The following RYR3 variants were observed in gnomAD, a reference collection of about 807,000 sequenced individuals.
RYR3 encodes the protein ryanodine receptor 3.
A neutral mutation model predicts 584.3 loss-of-function variants in RYR3; 207 were observed. The ratio of observed to expected loss-of-function variants is 0.35; its 90% CI spans 0.32 to 0.40. The LOEUF (loss-of-function observed/expected upper bound fraction) is 0.40. Ranked by LOEUF, RYR3 falls within the 10% of genes least tolerant of loss-of-function variation. The pLI, the probability that RYR3 is intolerant of heterozygous loss-of-function variation, is 1.00. For synonymous variants in RYR3, 2,416 were observed against 2,248.5 expected, an observed-to-expected ratio of 1.07 and a Z score of -2.11; for missense variants, 5,616 against 6,089.2, an observed-to-expected ratio of 0.92 and a Z score of 2.59.
intron 2 of RYR3, among the ~76,000 whole-genome samples, chr15:33,491,787 G>A (rs779017086): frequency 6.6e-6 from 1 of 152,138 alleles, no homozygotes; most frequent in Non-Finnish European, 1.5e-5. Context: ...TTCCTGGCCA[G>A]TCCCCCCAGA....
intron 12 of RYR3, among the ~76,000 whole-genome samples, chr15:33,577,087 A>G (rs577993867): frequency 3.3e-5 from 5 of 152,320 alleles, no homozygotes; most frequent in African/African-American, 1.2e-4. Context: ...TTCAAGGAGA[A>G]CTTAAAAAAC....
chr15:33,592,251 C>T (rs1014463023), intron 16 of RYR3, among the ~76,000 whole-genome samples: 3 of 152,180 alleles, frequency 2.0e-5, no homozygotes, highest in African/African-American at 7.2e-5. Context: ...TTGGCTTCAC[C>T]ATCCCCTAAG....
intron 10 of RYR3, among the ~76,000 whole-genome samples, chr15:33,559,178 C>G (rs1208933057): frequency 6.6e-6 from 1 of 152,110 alleles, no homozygotes; most frequent in Non-Finnish European, 1.5e-5. Context: ...GAGTCCTTGA[C>G]CATTTTAGGA....
chr15:33,823,178 A>G, intron 81 of RYR3, 106 bp downstream of exon 81: 1 of 854,032 alleles, frequency 1.2e-6, no homozygotes, highest in Non-Finnish European at 1.8e-6. Context: ...AGAATTCTTG[A>G]GAGAGGAAGC....
At chr15:33,566,864 C>T in intron 12 of RYR3, 65 bp downstream of exon 12, 1 of 1,558,504 alleles carries the variant, frequency 6.4e-7, no homozygotes, top group South Asian at 1.1e-5. Context: ...ACACCACCAC[C>T]CACCTCCTTT....
At position 33,838,028 on chromosome 15, in the gene RYR3, C is replaced by T. The variant is rs779781251; in HGVS notation, c.12048C>T (p.Asp4016=). The stretch of plus-strand genomic sequence containing the variant: ...ATTCCCGCCTGAAGTGTCTGTTGGA[C>T]CCAGCAGAAAGTGTGCTAAATTACT... ...PNDSRLKCLL[D]PAESVLNYFE... The change falls in exon 89 of 104, where the codon GAC becomes GAT. Residue 4016 remains aspartate, a synonymous_variant. Transcript: ENST00000634891. 2 of 1,613,934 alleles carry T rather than the reference C, an allele frequency of 1.2e-6. No homozygotes were observed. The highest frequency in any genetic ancestry group is 1.7e-6 in the Non-Finnish European group (2 of 1,179,890).
chr15:33,392,975 A>G (rs1056249550), intron 1 of RYR3, among the ~76,000 whole-genome samples: 2 of 152,262 alleles, frequency 1.3e-5, no homozygotes, highest in Non-Finnish European at 2.9e-5. Flanking sequence ...CTACAGATAC[A>G]TAGCTGTGGC....
chr15:33,729,117 C>G, intron 47 of RYR3, 91 bp downstream of exon 47: 2 of 1,056,614 alleles, frequency 1.9e-6, no homozygotes, highest in Non-Finnish European at 2.7e-6. Flanking sequence ...TCTTTACTCA[C>G]CAATTACATT....
At chr15:33,834,534 G>T (rs927709394) in intron 86 of RYR3, among the ~76,000 whole-genome samples, 1 of 149,318 alleles carries the variant, frequency 6.7e-6, no homozygotes. Flanking sequence ...GTGTAACTTT[G>T]CCTGGAAACA....
intron 10 of RYR3, 38 bp from the exon 11 acceptor site, chr15:33,562,799 G>T (rs1199134542): frequency 1.3e-6 from 2 of 1,498,702 alleles, no homozygotes; most frequent in Non-Finnish European, 1.9e-6. Context: ...AATTTAATCA[G>T]CTATGCCTAT....
intron 85 of RYR3, among the ~76,000 whole-genome samples, chr15:33,828,012 CTA>C (rs1191406897): frequency 3.3e-5 from 5 of 152,230 alleles, no homozygotes; most frequent in Non-Finnish European, 7.3e-5. Context: ...TCAAGCAAGT[CTA>C]TCTGTGCCGT....
At chr15:33,772,298 A>G in intron 63 of RYR3, 140 bp downstream of exon 63, 2 of 468,936 alleles carry the variant, frequency 4.3e-6, no homozygotes, top group Non-Finnish European at 7.6e-6. Flanking sequence ...AGATTAAAAA[A>G]GAAGAAGAAG....
At chr15:33,317,375 AG>A (rs778434564) in intron 1 of RYR3, among the ~76,000 whole-genome samples, 6 of 152,184 alleles carry the variant, frequency 3.9e-5, no homozygotes, top group Non-Finnish European at 8.8e-5. Context: ...TGGAGAGCCC[AG>A]CCAGTGGTGA....
intron 93 of RYR3, among the ~76,000 whole-genome samples, chr15:33,846,013 T>C (rs2078703182): frequency 6.6e-6 from 1 of 152,166 alleles, no homozygotes; most frequent in East Asian, 1.9e-4. Context: ...GATGGCACAT[T>C]CCCATGCCTG....
At chr15:33,562,678 A>T (rs1445805708) in intron 10 of RYR3, among the ~76,000 whole-genome samples, 159 bp from the exon 11 acceptor site, 1 of 152,194 alleles carries the variant, frequency 6.6e-6, no homozygotes, top group Admixed American at 6.5e-5. Context: ...GATAAGGGAA[A>T]CAAGTCTTTC....
chr15:33,360,299 C>T (rs530492646), intron 1 of RYR3, among the ~76,000 whole-genome samples: 2 of 152,210 alleles, frequency 1.3e-5, no homozygotes, highest in African/African-American at 4.8e-5. Context: ...AGCCCCAGGC[C>T]GTCACTGACC....
At chr15:33,572,518 C>T (rs192698512) in intron 12 of RYR3, among the ~76,000 whole-genome samples, 2 of 151,698 alleles carry the variant, frequency 1.3e-5, no homozygotes, top group African/African-American at 2.4e-5. Context: ...TGGCCTTGCC[C>T]ACTGCCTACT....
In RYR3 at chr15:33,835,722, C is replaced by T. The variant is rs142219444; in HGVS notation, c.11568+650C>T. Among the ~76,000 whole-genome samples the T allele has an allele frequency of 5.3e-3, 808 of 152,316 alleles. 2 individuals are homozygous for T. The highest frequency in any genetic ancestry group is 0.019 in the African/African-American group (770 of 41,568). On this transcript the variant is annotated intron_variant, in intron 87 of 103. Coordinates refer to ENST00000634891, the MANE Select transcript of RYR3 (RefSeq NM_001036.6). ...TTTTCAAGGCTGTCACATCTGCCTCCTCTCTTCTGGAATGTGCTATTTAAC... is the reference window on the plus strand; with the variant it reads ...TTTTCAAGGCTGTCACATCTGCCTCTTCTCTTCTGGAATGTGCTATTTAAC...
At chr15:33,509,027 A>C (rs1020834684) in intron 3 of RYR3, among the ~76,000 whole-genome samples, 2 of 152,226 alleles carry the variant, frequency 1.3e-5, no homozygotes, top group African/African-American at 4.8e-5. Flanking sequence ...CTTAGAGTGC[A>C]TGTCATGAGA....
Sources: gnomAD v4.1 joint callset for allele counts (sites outside exome capture counted in the v4.1 genomes callset) on GRCh38, gnomAD v4.1.1 for gene constraint, MANE v1.5 for transcripts, NCBI Gene and HGNC (gene_info 2026-07-23, HGNC 2026-07-21) for gene names.